Variants in MLLT3 observed in about 807,000 individuals in gnomAD.
The protein encoded by MLLT3 is protein AF-9.
In MLLT3, 4 loss-of-function variants were observed where a neutral mutation model predicts 53.2. The ratio of observed to expected loss-of-function variants is 0.08; its 90% CI spans 0.04 to 0.17. The LOEUF (loss-of-function observed/expected upper bound fraction) is 0.17. MLLT3 is among the 10% of genes least tolerant of loss of function. The pLI is 1.00. For missense variants in MLLT3, 569 were observed against 684.0 expected, an observed-to-expected ratio of 0.83 and a Z score of 1.87; for synonymous variants, 283 against 230.6, an observed-to-expected ratio of 1.23 and a Z score of -2.06.
intron 5 of MLLT3, among the ~76,000 whole-genome samples, chr9:20,366,388 G>A (rs1391531333): frequency 6.6e-6 from 1 of 152,100 alleles, no homozygotes; most frequent in African/African-American, 2.4e-5. Context: ...TCCTTTTTAT[G>A]GCTGCATAGT....
At chr9:20,558,318 A>G (rs186434103) in intron 2 of MLLT3, among the ~76,000 whole-genome samples, 53 of 152,278 alleles carry the variant, frequency 3.5e-4, no homozygotes, top group Admixed American at 2.2e-3. Context: ...GTTTTGGTAG[A>G]GACAGGGTTT....
At chr9:20,392,359 G>C (rs1312350288) in intron 5 of MLLT3, among the ~76,000 whole-genome samples, 1 of 152,138 alleles carries the variant, frequency 6.6e-6, no homozygotes, top group Non-Finnish European at 1.5e-5. Context: ...GACGGGAGAA[G>C]ATGATAGAAC....
rs533117701 is a variant in MLLT3 at position 20,622,409 on chromosome 9, C to T, written c.-153G>A. On this transcript the variant is annotated 5_prime_UTR_variant, in exon 1 of 11. Coordinates refer to ENST00000380338, the MANE Select transcript of MLLT3 (RefSeq NM_004529.4). ...GACATTCTCTGCCTTTTTCCCCCCG[C>T]GCTCGCTTGCTCGCTCGCTCGCTTA... The T allele has an allele frequency of 4.4e-6, 3 of 686,184 alleles. No homozygotes were observed. The highest frequency in any genetic ancestry group is 3.2e-5 in the East Asian group (1 of 31,672). The allele number at this position is 686,184 out of a possible 1,614,324, so 42.5% of individuals were successfully genotyped here.
intron 5 of MLLT3, among the ~76,000 whole-genome samples, chr9:20,386,771 A>G (rs1233594131): frequency 3.9e-5 from 6 of 152,156 alleles, no homozygotes; most frequent in Non-Finnish European, 7.3e-5. Flanking sequence ...GTCTGCTCCT[A>G]TGGTAAAAAC....
At chr9:20,386,335 G>A (rs1200919619) in intron 5 of MLLT3, among the ~76,000 whole-genome samples, 1 of 152,120 alleles carries the variant, frequency 6.6e-6, no homozygotes, top group Admixed American at 6.6e-5. Context: ...TAAGGAGAAG[G>A]GTCATTCATT....
intron 5 of MLLT3, among the ~76,000 whole-genome samples, chr9:20,408,014 C>A (rs1043739208): frequency 4.2e-4 from 64 of 152,064 alleles, no homozygotes; most frequent in African/African-American, 1.3e-3. Flanking sequence ...AACAATAATG[C>A]ATTGAATAGG....
intron 8 of MLLT3, among the ~76,000 whole-genome samples, chr9:20,356,270 T>C (rs917630941): frequency 6.6e-6 from 1 of 152,196 alleles, no homozygotes; most frequent in Non-Finnish European, 1.5e-5. Flanking sequence ...AATATGAAGA[T>C]AACCAAATGA....
At chr9:20,456,263 T>G (rs1403401869) in intron 3 of MLLT3, among the ~76,000 whole-genome samples, 1 of 152,036 alleles carries the variant, frequency 6.6e-6, no homozygotes, top group Non-Finnish European at 1.5e-5. Context: ...TCCAGTAAAA[T>G]CCATATATCT....
chr9:20,368,107 G>A (rs1821503741), intron 5 of MLLT3, among the ~76,000 whole-genome samples: 1 of 152,328 alleles, frequency 6.6e-6, no homozygotes, highest in Middle Eastern at 3.4e-3. Context: ...GTAGCACAAT[G>A]TCTTACACAT....
Position 20,448,279 on chromosome 9 carries a change from A to C in MLLT3, c.277-13T>G. The C allele has an allele frequency of 1.2e-6, 2 of 1,608,268 alleles. No individual in the cohort carries two copies. Among genetic ancestry groups the C allele is most frequent in the Non-Finnish European group, 1.7e-6 (2 of 1,177,954 alleles). On this transcript the variant is annotated splice_polypyrimidine_tract_variant and intron_variant, in intron 3 of 10. Transcript: ENST00000380338. This position sits in a 1 kb window ranked among gnomAD's most constrained non-coding sequence, Gnocchi z 4.0. ...TCCTAGGTTCTTCCTGGAGGTTAAC[A>C]AAAATTATGAAAGAAAAAAGAGAGT... is the stretch of plus-strand genomic sequence containing the variant.
chr9:20,608,792 C>T lies in MLLT3; in HGVS notation c.193+11862G>A, dbSNP rs141243752. On this transcript the variant is annotated intron_variant, in intron 2 of 10. Coordinates refer to ENST00000380338, the MANE Select transcript of MLLT3 (RefSeq NM_004529.4). ...TACATTTAAATACTAGTTTTACTTT[C>T]ACATAATATGAGTCATTCAAGAAAA... Among the ~76,000 whole-genome samples, 199 of 152,088 alleles carry T rather than the reference C, an allele frequency of 1.3e-3. 1 individual carries two copies. The highest frequency in any genetic ancestry group is 4.5e-3 in the African/African-American group (188 of 41,556).
chr9:20,553,604 C>A (rs1405646549), intron 2 of MLLT3, among the ~76,000 whole-genome samples: 1 of 152,204 alleles, frequency 6.6e-6, no homozygotes, highest in East Asian at 1.9e-4. Context: ...TGCCTTTCTA[C>A]TGAAATAGAG....
intron 5 of MLLT3, among the ~76,000 whole-genome samples, chr9:20,375,793 A>G (rs1236184350): frequency 6.6e-6 from 1 of 151,526 alleles, no homozygotes; most frequent in Admixed American, 6.6e-5. Flanking sequence ...TATTTTTAGT[A>G]GAGACGGGGT....
At chr9:20,373,284 A>G (rs144135942) in intron 5 of MLLT3, among the ~76,000 whole-genome samples, 8 of 152,318 alleles carry the variant, frequency 5.3e-5, no homozygotes, top group Admixed American at 2.6e-4. Context: ...TATCTTTACT[A>G]CCAAAACAAT....
At chr9:20,350,503 G>A (rs1820989214) in intron 10 of MLLT3, among the ~76,000 whole-genome samples, 1 of 149,830 alleles carries the variant, frequency 6.7e-6, no homozygotes, top group South Asian at 2.1e-4. Context: ...GCTGAGGCAG[G>A]AGAATGGCGT....
Position 20,421,191 on chromosome 9 carries a change from G to A in MLLT3, c.421-6766C>T, listed in dbSNP as rs140886713. 6.5e-3 allele frequency among the ~76,000 whole-genome samples: 994 copies of A among 152,274 alleles called. 6 individuals are homozygous for A. Among genetic ancestry groups the A allele is most frequent in the Non-Finnish European group, 0.01 (698 of 68,014 alleles). ...AGGCAGGAAAATCACTTAAACCTGG[G>A]AGGTGGAGGTTTCAGTGAGCCAAGA... On this transcript the variant is annotated intron_variant, in intron 4 of 10. Transcript: ENST00000380338.
chr9:20,531,515 T>A (rs1011980133), intron 2 of MLLT3, among the ~76,000 whole-genome samples: 1 of 152,210 alleles, frequency 6.6e-6, no homozygotes, highest in Non-Finnish European at 1.5e-5. Context: ...TGTCAAGCAA[T>A]TAATTGAGAT....
chr9:20,369,602 G>C (rs1363754167), intron 5 of MLLT3, among the ~76,000 whole-genome samples: 1 of 152,188 alleles, frequency 6.6e-6, no homozygotes, highest in African/African-American at 2.4e-5. Flanking sequence ...TCTGCCACTA[G>C]AGGAGGCTGA....
chr9:20,402,666 T>C (rs76723604), intron 5 of MLLT3, among the ~76,000 whole-genome samples: 1,724 of 152,312 alleles, frequency 0.011, 34 homozygotes, highest in African/African-American at 0.037. Flanking sequence ...AGTGATTTTT[T>C]TCCCCCCTGA....
Sources: gnomAD v4.1 joint callset for allele counts (sites outside exome capture counted in the v4.1 genomes callset) on GRCh38, gnomAD v4.1.1 for gene constraint, Gnocchi (gnomAD v3.1) non-coding constraint, MANE v1.5 for transcripts, NCBI Gene and HGNC (gene_info 2026-07-23, HGNC 2026-07-21) for gene names.